Variants in ANXA8 observed in about 807,000 individuals in gnomAD.
ANXA8 encodes annexin A8.
A neutral mutation model predicts 26.8 loss-of-function variants in ANXA8; 9 were observed. That is an observed-to-expected ratio of 0.34 (90% CI 0.20 to 0.59). The LOEUF (loss-of-function observed/expected upper bound fraction) is 0.59. Ranked by LOEUF, ANXA8 falls within the 20% of genes least tolerant of loss-of-function variation. ANXA8 has a pLI of 0.84. For missense variants in ANXA8, 83 were observed against 238.5 expected (o/e 0.35, Z 4.29); for synonymous variants, 39 against 94.8 (o/e 0.41, Z 3.42).
the ANXA8 span, among the ~76,000 whole-genome samples, chr10:47,509,006 A>G: frequency 3.0e-5 from 4 of 134,146 alleles, no homozygotes; most frequent in African/African-American, 1.3e-4. Flanking sequence ...AATTTGTTCA[A>G]TAACTTTATT....
chr10:47,575,441 G>A, the ANXA8 span, among the ~76,000 whole-genome samples: 8 of 141,660 alleles, frequency 5.6e-5, no homozygotes, highest in Admixed American at 2.2e-4. Context: ...CTGGAGTGCA[G>A]TGGTGGGATC....
chr10:47,763,002 C>T, the ANXA8 span: 12 of 1,173,734 alleles, frequency 1.0e-5, no homozygotes, highest in South Asian at 2.1e-5. Context: ...GTACCACCCC[C>T]ATCCCGGAGA....
the ANXA8 span, among the ~76,000 whole-genome samples, chr10:47,677,676 CAT>C: frequency 1.8e-4 from 14 of 79,218 alleles, no homozygotes; most frequent in African/African-American, 3.4e-4. Context: ...CTCATCTGCA[CAT>C]GTGAAGTGTG....
At chr10:47,690,993 C>A in the ANXA8 span, 3 of 1,611,142 alleles carry the variant, frequency 1.9e-6, no homozygotes, top group African/African-American at 1.3e-5. Context: ...TTAAAAAAAT[C>A]ATTAATAAAA....
At chr10:47,704,692 T>G in the ANXA8 span, among the ~76,000 whole-genome samples, 25 of 151,920 alleles carry the variant, frequency 1.6e-4, 1 homozygote, top group African/African-American at 5.8e-4. Flanking sequence ...GCAAAGTAGC[T>G]GGATATAAGA....
chr10:47,610,595 T>TTA, the ANXA8 span, among the ~76,000 whole-genome samples: 48 of 106,990 alleles, frequency 4.5e-4, no homozygotes, highest in Middle Eastern at 8.6e-3. Context: ...CTACATTTAT[T>TTA]TATATATATA....
chr10:47,674,337 G>T, the ANXA8 span, among the ~76,000 whole-genome samples: 1 of 150,472 alleles, frequency 6.6e-6, no homozygotes, highest in Non-Finnish European at 1.5e-5. Context: ...TCACTGTATT[G>T]CCTAGGCTGG....
chr10:47,469,171 A>T (rs1839224383), intron 11 of ANXA8, among the ~76,000 whole-genome samples: 1 of 147,930 alleles, frequency 6.8e-6, no homozygotes, highest in African/African-American at 2.5e-5. Flanking sequence ...CCACTCCTAA[A>T]CAAGGAAGGG....
At chr10:47,914,929 C>T in the ANXA8 span, among the ~76,000 whole-genome samples, 4 of 152,388 alleles carry the variant, frequency 2.6e-5, no homozygotes, top group African/African-American at 9.6e-5. Context: ...GTTTATTCAT[C>T]TTGACCTATC....
the ANXA8 span, chr10:47,544,241 A>G: frequency 3.2e-6 from 1 of 313,618 alleles, no homozygotes; most frequent in African/African-American, 2.3e-5. Flanking sequence ...TCTTTGAGCA[A>G]TGATATAAGT....
chr10:47,696,565 C>G, the ANXA8 span: 33 of 1,318,522 alleles, frequency 2.5e-5, no homozygotes, highest in African/African-American at 3.0e-5. Flanking sequence ...TAAAAACATA[C>G]TAGGAAAGAT....
the ANXA8 span, among the ~76,000 whole-genome samples, chr10:47,574,135 A>G: frequency 2.6e-5 from 1 of 38,436 alleles, no homozygotes; most frequent in Admixed American, 2.9e-4. Context: ...TTTTTTTGAG[A>G]GACAGAGTCT....
the ANXA8 span, among the ~76,000 whole-genome samples, chr10:47,544,004 G>A: frequency 6.7e-6 from 1 of 148,828 alleles, no homozygotes; most frequent in South Asian, 2.1e-4. Flanking sequence ...GATTCTGGCA[G>A]GTGGAAAAGG....
the ANXA8 span, among the ~76,000 whole-genome samples, chr10:47,549,815 A>T: frequency 7.0e-6 from 1 of 143,542 alleles, no homozygotes; most frequent in Non-Finnish European, 1.5e-5. Context: ...ATGATCAAGA[A>T]AATATTGGCT....
chr10:47,894,590 C>G, the ANXA8 span, among the ~76,000 whole-genome samples: 1 of 146,958 alleles, frequency 6.8e-6, no homozygotes, highest in South Asian at 2.2e-4. Flanking sequence ...CACAATGCAC[C>G]ACACACACTG....
the ANXA8 span, among the ~76,000 whole-genome samples, chr10:47,967,084 CTCTCACAGCACA>C: frequency 5.4e-5 from 8 of 149,386 alleles, no homozygotes; most frequent in Non-Finnish European, 9.0e-5. Flanking sequence ...AAATCTTTCA[CTCTCACAGCACA>C]TCTTGTGATC....
the ANXA8 span, among the ~76,000 whole-genome samples, chr10:47,552,691 T>A: frequency 6.6e-6 from 1 of 151,940 alleles, no homozygotes; most frequent in Non-Finnish European, 1.5e-5. Flanking sequence ...TCACTGAATC[T>A]GTGAGTTTTT....
the ANXA8 span, among the ~76,000 whole-genome samples, chr10:47,657,950 T>G: frequency 1.3e-5 from 2 of 151,802 alleles, no homozygotes; most frequent in Admixed American, 6.6e-5. Context: ...AAAATTTCAC[T>G]GTTGTCATTT....
chr10:47,495,849 T>C, the ANXA8 span, among the ~76,000 whole-genome samples: 5 of 151,256 alleles, frequency 3.3e-5, no homozygotes, highest in Admixed American at 3.3e-4. Context: ...CAGGGGGGAA[T>C]CTTCACTGTT....
Sources: gnomAD v4.1 joint callset for allele counts (sites outside exome capture counted in the v4.1 genomes callset) on GRCh38, gnomAD v4.1.1 for gene constraint, MANE v1.5 for transcripts, NCBI Gene and HGNC (gene_info 2026-07-23, HGNC 2026-07-21) for gene names.